SHISA9: variants seen among roughly 807,000 people sequenced by gnomAD.
The protein encoded by SHISA9 is shisa family member 9, also known as protein shisa-9.
A neutral mutation model predicts 38.0 loss-of-function variants in SHISA9; 13 were observed. That is an observed-to-expected ratio of 0.34 (90% confidence interval 0.22 to 0.54). The LOEUF is 0.54. Ranked by LOEUF, SHISA9 falls within the 20% of genes least tolerant of loss-of-function variation. SHISA9 has a pLI of 0.91. For missense variants in SHISA9, 538 were observed against 575.8 expected, an observed-to-expected ratio of 0.93 and a Z score of 0.67; for synonymous variants, 275 against 242.0, an observed-to-expected ratio of 1.14 and a Z score of -1.27.
intron 2 of SHISA9, among the ~76,000 whole-genome samples, chr16:13,087,495 C>T (rs2073726423): frequency 6.6e-6 from 1 of 152,104 alleles, no homozygotes; most frequent in Non-Finnish European, 1.5e-5. Context: ...CTGTTGTTTC[C>T]TGACTTTTTA....
chr16:12,906,094 C>T (rs1301950694), intron 1 of SHISA9, among the ~76,000 whole-genome samples: 2 of 152,160 alleles, frequency 1.3e-5, no homozygotes, highest in African/African-American at 2.4e-5. Context: ...ACTTGCCAAG[C>T]TTGGCATCAG....
At chr16:13,186,000 C>T (rs1035746223) in intron 2 of SHISA9, among the ~76,000 whole-genome samples, 2 of 152,140 alleles carry the variant, frequency 1.3e-5, no homozygotes, top group Non-Finnish European at 2.9e-5. Context: ...CAGGACATAT[C>T]TCATTTTACC....
At chr16:13,234,585 A>G (rs2142088592) in intron 4 of SHISA9, among the ~76,000 whole-genome samples, 1 of 152,368 alleles carries the variant, frequency 6.6e-6, no homozygotes, top group East Asian at 1.9e-4. Flanking sequence ...AAATACCAGA[A>G]GAAAATACAC....
At chr16:13,228,347 C>T (rs998379108) in intron 4 of SHISA9, among the ~76,000 whole-genome samples, 3 of 152,220 alleles carry the variant, frequency 2.0e-5, no homozygotes, top group African/African-American at 7.2e-5. Context: ...GGGATTTTCC[C>T]CCCATCTGCA....
At chr16:13,021,165 C>A (rs1191840233) in intron 2 of SHISA9, among the ~76,000 whole-genome samples, 1 of 152,204 alleles carries the variant, frequency 6.6e-6, no homozygotes, top group African/African-American at 2.4e-5. Flanking sequence ...CAACCAGGGA[C>A]AATTTTGCCT....
At chr16:13,023,264 G>C (rs2072879667) in intron 2 of SHISA9, among the ~76,000 whole-genome samples, 1 of 152,062 alleles carries the variant, frequency 6.6e-6, no homozygotes, top group Non-Finnish European at 1.5e-5. Flanking sequence ...GTGAGAACAT[G>C]CGGTGTTTGG....
At chr16:13,062,586 G>T (rs1448956615) in intron 2 of SHISA9, among the ~76,000 whole-genome samples, 1 of 152,100 alleles carries the variant, frequency 6.6e-6, no homozygotes, top group Non-Finnish European at 1.5e-5. Context: ...TTAGTTGAGG[G>T]TGTGAGTTAT....
the SHISA9 span, among the ~76,000 whole-genome samples, chr16:13,319,096 T>C: frequency 6.6e-5 from 10 of 152,200 alleles, no homozygotes; most frequent in Non-Finnish European, 1.3e-4. Context: ...CAACCACCGT[T>C]TTCCAGGTTC....
chr16:12,975,646 G>A (rs1289619049), intron 2 of SHISA9, among the ~76,000 whole-genome samples: 1 of 145,068 alleles, frequency 6.9e-6, no homozygotes, highest in East Asian at 2.2e-4. Context: ...TGGGTGGGGT[G>A]GGACGGGGGC....
intron 2 of SHISA9, among the ~76,000 whole-genome samples, chr16:13,072,243 A>G (rs375129529): frequency 5.3e-5 from 8 of 152,368 alleles, no homozygotes; most frequent in South Asian, 2.1e-4. Flanking sequence ...TACCCAATGC[A>G]GGTAAGCCTG....
chr16:13,341,875 T>TC, the SHISA9 span, among the ~76,000 whole-genome samples: 1 of 152,186 alleles, frequency 6.6e-6, no homozygotes, highest in African/African-American at 2.4e-5. Context: ...TCCTCTGGAT[T>TC]CATTATTTAT....
intron 2 of SHISA9, among the ~76,000 whole-genome samples, chr16:13,053,994 C>G (rs2073282525): frequency 6.6e-6 from 1 of 152,206 alleles, no homozygotes; most frequent in African/African-American, 2.4e-5. Context: ...TCTCTTCCAG[C>G]TGGAAGCTTC....
chr16:12,940,039 AG>A (rs756178498), intron 2 of SHISA9, among the ~76,000 whole-genome samples: 1 of 152,220 alleles, frequency 6.6e-6, no homozygotes, highest in Non-Finnish European at 1.5e-5. Flanking sequence ...AGGCAACTAA[AG>A]GTTGACCCTT....
chr16:13,117,591 A>G (rs74012272), intron 2 of SHISA9, among the ~76,000 whole-genome samples: 4,629 of 152,264 alleles, frequency 0.03, 102 homozygotes, highest in East Asian at 0.11. Context: ...AGAGACATGC[A>G]GAGAAGAAAA....
the SHISA9 span, among the ~76,000 whole-genome samples, chr16:13,449,039 C>G: frequency 1.3e-5 from 2 of 152,120 alleles, no homozygotes; most frequent in Non-Finnish European, 2.9e-5. Context: ...TGGAAACAAA[C>G]TAAAATAGCC....
the SHISA9 span, among the ~76,000 whole-genome samples, chr16:13,489,534 T>G: frequency 6.6e-6 from 1 of 152,152 alleles, no homozygotes; most frequent in African/African-American, 2.4e-5. Context: ...GATAATTGAA[T>G]CATGGGTGCA....
the SHISA9 span, among the ~76,000 whole-genome samples, chr16:13,465,494 C>A: frequency 6.6e-6 from 1 of 152,140 alleles, no homozygotes; most frequent in Non-Finnish European, 1.5e-5. Context: ...TGGGGAGAAA[C>A]AATACCCATA....
the SHISA9 span, among the ~76,000 whole-genome samples, chr16:13,305,142 T>A: frequency 6.6e-6 from 1 of 152,328 alleles, no homozygotes. Flanking sequence ...ATTCATTTGT[T>A]TCACATACAC....
At chr16:13,469,369 G>GAAAGAAAAGAA in the SHISA9 span, among the ~76,000 whole-genome samples, 163 of 66,506 alleles carry the variant, frequency 2.5e-3, no homozygotes, top group Non-Finnish European at 2.9e-3. Flanking sequence ...AAAAGAAAAA[G>GAAAGAAAAGAA]AAAGAAAGAA....
Sources: allele counts gnomAD v4.1 joint callset (sites outside exome capture counted in the v4.1 genomes callset), GRCh38; gene constraint gnomAD v4.1.1; transcripts MANE v1.5; gene names NCBI Gene and HGNC (gene_info 2026-07-23, HGNC 2026-07-21).